The following NEURL3 variants were observed in gnomAD, a reference collection of about 807,000 sequenced individuals.
NEURL3 encodes neuralized E3 ubiquitin protein ligase 3.
NEURL3 carries 19 observed loss-of-function variants against 17.6 expected under a neutral mutation model. The observed-to-expected ratio is 1.08, with a 90% CI of 0.75 to 1.58. The LOEUF is 1.58. Ranked by LOEUF, NEURL3 falls within the 40% of genes most tolerant of loss-of-function variation. The pLI is 0.00. For missense variants in NEURL3, 342 were observed against 379.6 expected (o/e 0.90, Z 0.82); for synonymous variants, 180 against 161.4 (o/e 1.11, Z -0.87).
upstream of NEURL3, among the ~76,000 whole-genome samples, chr2:96,506,970 A>G (rs2065565784): frequency 6.6e-6 from 1 of 152,184 alleles, no homozygotes; most frequent in Admixed American, 6.5e-5. Flanking sequence ...TACCCGCCAC[A>G]CACTCTGTGT....
chr2:96,506,025 G>A (rs2065558051), upstream of NEURL3, among the ~76,000 whole-genome samples: 2 of 152,192 alleles, frequency 1.3e-5, no homozygotes, highest in Non-Finnish European at 1.5e-5. Context: ...TGGAAAAGAA[G>A]CCAAAGGTAT....
chr2:96,506,914 AG>A (rs954981639), upstream of NEURL3, among the ~76,000 whole-genome samples: 3 of 152,108 alleles, frequency 2.0e-5, no homozygotes, highest in African/African-American at 7.2e-5. Flanking sequence ...GGTCATTCTG[AG>A]GAGCTAAAAA....
At chr2:96,506,982 T>C (rs572326909), upstream of NEURL3, among the ~76,000 whole-genome samples, 1 of 152,344 alleles carries the variant, frequency 6.6e-6, no homozygotes, top group African/African-American at 2.4e-5. Flanking sequence ...ACTCTGTGTT[T>C]GTTTATTGAA....
rs1157285400 is a variant in NEURL3 at position 96,504,877 on chromosome 2, C to CAAAAAAAAAAAAAAAAAAAA, written c.28+362_28+381dup. Among the ~76,000 whole-genome samples, 126 of 55,254 alleles carry CAAAAAAAAAAAAAAAAAAAA rather than the reference C, an allele frequency of 2.3e-3. 4 individuals are homozygous for CAAAAAAAAAAAAAAAAAAAA. The highest frequency in any genetic ancestry group is 7.8e-3 in the East Asian group (10 of 1,286). 36.2% of individuals were successfully genotyped at this position (55,254 alleles called of 152,430 possible). A position where few individuals can be genotyped will look rare whatever the true frequency, so the allele number is the denominator to read the frequency against. The stretch of plus-strand genomic sequence containing the variant: ...TGGGCAACAGAGCGAGACTCCGTCT[C>CAAAAAAAAAAAAAAAAAAAA]AAAAAAAAAAAAAAAAAAAAAAAGA... On this transcript the variant is annotated intron_variant, in intron 1 of 3. Coordinates refer to ENST00000451794, the MANE Select transcript of NEURL3 (RefSeq NM_001285485.2).
Position 96,500,733 on chromosome 2 carries a change from C to T in NEURL3, c.220G>A (p.Gly74Ser). 6.6e-7 allele frequency: 1 copy of T among 1,518,038 alleles called. No homozygotes were observed. The highest frequency in any genetic ancestry group is 8.8e-7 in the Non-Finnish European group (1 of 1,138,972). 94.0% of individuals were successfully genotyped at this position (1,518,038 alleles called of 1,614,324 possible). A position where few individuals can be genotyped will look rare whatever the true frequency, so the allele number is the denominator to read the frequency against. ...CGCGTGAAGCCCACGCGGAGGCCGCCGCACCAGCCGCTCTCCTCCCGCAGC... is the reference window on the plus strand; with the variant it reads ...CGCGTGAAGCCCACGCGGAGGCCGCTGCACCAGCCGCTCTCCTCCCGCAGC... ...RVLREESGWC[G>S]GLRVGFTRLD... is the part of the protein sequence containing the mutation. Residue 74 changes from glycine to serine, a missense_variant, in exon 2 of 4, where the codon GGC becomes AGC. Transcript: ENST00000451794.
rs1481193054 is a variant in NEURL3 at position 96,500,630 on chromosome 2, C to A, written c.323G>T (p.Trp108Leu). 6.6e-7 allele frequency: 1 copy of A among 1,517,734 alleles called. No individual in the cohort carries two copies. The highest frequency in any genetic ancestry group is 2.5e-5 in the East Asian group (1 of 40,312). 94.0% of individuals were successfully genotyped at this position (1,517,734 alleles called of 1,614,324 possible). ...GCAGCCCTCAGGCAGCACGGCCGCC[C>A]ACGTCGGGCTCTGCTCCTCCAGGTC... ...CPDLEEQSPT[W>L]AAVLPEGCAL... The change falls in exon 2 of 4, where the codon TGG (tryptophan) becomes TTG (leucine). Residue 108 changes from tryptophan (W) to leucine (L), a missense_variant. By Grantham distance (61) the Trp-to-Leu change is moderately conservative. Transcript: ENST00000451794.
rs1002050314 is a variant in NEURL3, at chr2:96,498,744, T to C, written c.587-298A>G. ...GGGAGGAAATCCACCCAAGAGGTAA[T>C]GGGTGCTTTTTTTTTAACTTTCCTC... is the stretch of plus-strand genomic sequence containing the variant. On this transcript the variant is annotated intron_variant, in intron 3 of 3. Coordinates refer to ENST00000451794, the MANE Select transcript of NEURL3 (RefSeq NM_001285485.2). This position sits in a 1 kb window ranked among gnomAD's most constrained non-coding sequence, Gnocchi z 4.4. 2.2e-5 allele frequency among the ~76,000 whole-genome samples: 2 copies of C among 92,366 alleles called. No individual in the cohort carries two copies. The highest frequency in any genetic ancestry group is 4.6e-5 in the Non-Finnish European group (2 of 43,946). 60.6% of individuals were successfully genotyped at this position (92,366 alleles called of 152,430 possible). A position where few individuals can be genotyped will look rare whatever the true frequency, so the allele number is the denominator to read the frequency against.
chr2:96,498,506 C>G lies in NEURL3; in HGVS notation c.587-60G>C, dbSNP rs1168888020. ...GGGGAAGGGGTGGGCAACCCGCTCACAATGTGACCACAGAGAATGACAGAG... is the reference window on the plus strand; with the variant it reads ...GGGGAAGGGGTGGGCAACCCGCTCAGAATGTGACCACAGAGAATGACAGAG... On this transcript the variant is annotated intron_variant, in intron 3 of 3. Coordinates refer to ENST00000451794, the MANE Select transcript of NEURL3 (RefSeq NM_001285485.2). This position sits in a 1 kb window ranked among gnomAD's most constrained non-coding sequence, Gnocchi z 4.4. The G allele has an allele frequency of 7.2e-7, 1 of 1,395,920 alleles. No individual in the cohort carries two copies. The highest frequency in any genetic ancestry group is 1.4e-5 in the African/African-American group (1 of 69,878). The allele number at this position is 1,395,920 out of a possible 1,614,324, so 86.5% of individuals were successfully genotyped here.
At chr2:96,499,002 T>C (rs2065471154) in intron 3 of NEURL3, among the ~76,000 whole-genome samples, 1 of 152,124 alleles carries the variant, frequency 6.6e-6, no homozygotes, top group Non-Finnish European at 1.5e-5. Flanking sequence ...GGTCTCAAAC[T>C]CCTGGGCCCA....
chr2:96,502,092 T>A (rs1339386772), intron 1 of NEURL3, among the ~76,000 whole-genome samples: 1 of 152,150 alleles, frequency 6.6e-6, no homozygotes, highest in Non-Finnish European at 1.5e-5. Context: ...TAAGCCTACC[T>A]GCAGTGACCT....
chr2:96,502,240 G>A (rs1460406161), intron 1 of NEURL3, among the ~76,000 whole-genome samples: 1 of 152,176 alleles, frequency 6.6e-6, no homozygotes, highest in Non-Finnish European at 1.5e-5. Context: ...ATCCCAGCAG[G>A]CCTGCCCAGC....
At chr2:96,500,144 C>T in intron 2 of NEURL3, 1 of 437,908 alleles carries the variant, frequency 2.3e-6, no homozygotes, top group Non-Finnish European at 4.1e-6. Flanking sequence ...GCAAAGCCAG[C>T]CCAAATGTTT....
Position 96,500,702 on chromosome 2 carries a change from T to A in NEURL3, c.251A>T (p.Asp84Val), listed in dbSNP as rs1461113564. ...GGLRVGFTRL[D>V]PACVSVPSLP... is the part of the protein sequence containing the mutation. ...GCTGGGCACGGACACGCACGCGGGG[T>A]CCAGGCGCGTGAAGCCCACGCGGAG... The change falls in exon 2 of 4, where the codon GAC (aspartate) becomes GTC (valine). Residue 84 changes from aspartate (D) to valine (V), a missense_variant. Physicochemically the swap from Asp to Val is radical, Grantham distance 152 (BLOSUM62 -3). Transcript: ENST00000451794. 1.3e-6 allele frequency: 2 copies of A among 1,517,826 alleles called. No homozygotes were observed. The highest frequency in any genetic ancestry group is 1.8e-6 in the Non-Finnish European group (2 of 1,139,508). 94.0% of individuals were successfully genotyped at this position (1,517,826 alleles called of 1,614,324 possible). A position where few individuals can be genotyped will look rare whatever the true frequency, so the allele number is the denominator to read the frequency against.
chr2:96,502,301 A>G (rs1165668072), intron 1 of NEURL3, among the ~76,000 whole-genome samples: 1 of 152,218 alleles, frequency 6.6e-6, no homozygotes, highest in East Asian at 1.9e-4. Context: ...CAGAGCCAGC[A>G]CACATGGAGA....
At chr2:96,504,680 C>T (rs1045918913) in intron 1 of NEURL3, 4 of 152,266 alleles carry the variant, frequency 2.6e-5, no homozygotes, top group African/African-American at 9.7e-5. Flanking sequence ...TCGCGACCAA[C>T]CTGGCTAACA....
At chr2:96,501,477 T>A (rs530839043) in intron 1 of NEURL3, among the ~76,000 whole-genome samples, 3 of 152,050 alleles carry the variant, frequency 2.0e-5, no homozygotes, top group Non-Finnish European at 4.4e-5. Flanking sequence ...TGTTTTCCCA[T>A]GGGGAACTGC....
intron 2 of NEURL3, chr2:96,499,844 G>A (rs751699806): frequency 3.1e-5 from 6 of 194,636 alleles, no homozygotes; most frequent in Admixed American, 2.3e-4. Flanking sequence ...GGTGTGAGGC[G>A]CTGGCAGCTG....
chr2:96,502,452 G>A (rs2065518736), intron 1 of NEURL3, among the ~76,000 whole-genome samples: 1 of 152,228 alleles, frequency 6.6e-6, no homozygotes, highest in African/African-American at 2.4e-5. Context: ...GCTGGCCCAG[G>A]CAGGTCACTG....
intron 1 of NEURL3, among the ~76,000 whole-genome samples, chr2:96,503,207 G>A (rs979136271): frequency 5.3e-5 from 8 of 152,270 alleles, no homozygotes; most frequent in South Asian, 2.1e-4. Context: ...GAACTCCCCC[G>A]GAATGGCCTT....
Sources: allele counts gnomAD v4.1 joint callset (sites outside exome capture counted in the v4.1 genomes callset), GRCh38; gene constraint gnomAD v4.1.1; non-coding constraint Gnocchi (gnomAD v3.1); transcripts MANE v1.5; gene names NCBI Gene and HGNC (gene_info 2026-07-23, HGNC 2026-07-21).